The following TTC23L variants were observed in gnomAD, a reference collection of about 807,000 sequenced individuals.
TTC23L encodes the protein tetratricopeptide repeat protein 23-like.
A neutral mutation model predicts 48.1 loss-of-function variants in TTC23L; 42 were observed. The ratio of observed to expected loss-of-function variants is 0.87; its 90% confidence interval spans 0.68 to 1.13. The LOEUF (loss-of-function observed/expected upper bound fraction) is 1.13, where lower values mean the gene tolerates loss of function less well. Among genes scored for constraint, TTC23L ranks in the 50% most tolerant of loss-of-function variants. The pLI, the probability that TTC23L is intolerant of heterozygous loss-of-function variation, is 0.00. For synonymous variants in TTC23L, 159 were observed against 157.2 expected (o/e 1.01, Z -0.09); for missense variants, 391 against 421.0 (o/e 0.93, Z 0.62).
intron 4 of TTC23L, among the ~76,000 whole-genome samples, chr5:34,857,348 T>C (rs562454418): frequency 6.6e-6 from 1 of 152,334 alleles, no homozygotes; most frequent in African/African-American, 2.4e-5. Flanking sequence ...CTATTATTAC[T>C]GGGAATCTTC....
At chr5:34,840,863 A>C in intron 2 of TTC23L, 124 bp downstream of exon 2, 2 of 863,750 alleles carry the variant, frequency 2.3e-6, no homozygotes, top group Non-Finnish European at 1.9e-6. Context: ...CCTGACCAAC[A>C]TGGTGAAACC....
chr5:34,925,309 A>G, the TTC23L span: 41 of 1,613,814 alleles, frequency 2.5e-5, no homozygotes, highest in Admixed American at 1.0e-4. Flanking sequence ...TGAGAAAGAA[A>G]GAGCCGAAGA....
chr5:34,846,133 C>T (rs1465458399), intron 3 of TTC23L, among the ~76,000 whole-genome samples: 2 of 151,990 alleles, frequency 1.3e-5, no homozygotes, highest in Non-Finnish European at 2.9e-5. Flanking sequence ...ACAGGGAGCC[C>T]GTGATTGTGC....
At chr5:34,892,602 A>G (rs1045673212) in intron 9 of TTC23L, among the ~76,000 whole-genome samples, 1 of 152,208 alleles carries the variant, frequency 6.6e-6, no homozygotes, top group South Asian at 2.1e-4. Context: ...ATGTAAAGGA[A>G]AAGGGCAAGT....
At chr5:34,911,574 A>C in the TTC23L span, 1 of 1,614,186 alleles carries the variant, frequency 6.2e-7, no homozygotes, top group Non-Finnish European at 8.5e-7. Flanking sequence ...GCTTGTCAGG[A>C]GACATGGTAA....
Position 34,863,724 on chromosome 5 carries a change from C to T in TTC23L, c.536+670C>T, listed in dbSNP as rs372374133. On this transcript the variant is annotated intron_variant, in intron 5 of 10. Transcript: ENST00000505624. The surrounding 1 kb of genome is among the most constrained non-coding windows in gnomAD (Gnocchi z 4.1). Reference sequence around the variant, plus strand: ...CCCAGAGGGGTACTGTTATATGTGCCTTTCCTCAGAACTGGGGATTCTGAC... The same window carrying T: ...CCCAGAGGGGTACTGTTATATGTGCTTTTCCTCAGAACTGGGGATTCTGAC... Among the ~76,000 whole-genome samples the T allele has an allele frequency of 3.3e-5, 5 of 152,262 alleles. No homozygotes were observed. The highest frequency in any genetic ancestry group is 1.2e-4 in the African/African-American group (5 of 41,550).
intron 9 of TTC23L, among the ~76,000 whole-genome samples, chr5:34,885,082 AC>A (rs11335319): frequency 0.31 from 46,523 of 152,062 alleles, 8,988 homozygotes; most frequent in Non-Finnish European, 0.43. Context: ...GAGTACAAGC[AC>A]CTTTGTCCTA....
chr5:34,864,294 C>T lies in TTC23L; in HGVS notation c.537-143C>T. The T allele has an allele frequency of 3.8e-6, 4 of 1,039,118 alleles. No individual in the cohort carries two copies. The South Asian group carries it at 8.1e-5, about 21-fold the overall frequency. 64.4% of individuals were successfully genotyped at this position (1,039,118 alleles called of 1,614,324 possible). ...ATTCTTGCTTCTTGACAACATAATA[C>T]ATGGAAAATAAAGAACATAGTTAAG... is the stretch of plus-strand genomic sequence containing the variant. On this transcript the variant is annotated intron_variant, in intron 5 of 10. Coordinates refer to ENST00000505624, the Ensembl canonical transcript of TTC23L.
chr5:34,922,703 C>T, the TTC23L span: 1 of 1,613,534 alleles, frequency 6.2e-7, no homozygotes, highest in Non-Finnish European at 8.5e-7. Context: ...AGTTCATACC[C>T]TCGCTGAACT....
At chr5:34,886,362 T>TCAA (rs1580480973) in intron 9 of TTC23L, among the ~76,000 whole-genome samples, 1 of 41,870 alleles carries the variant, frequency 2.4e-5, no homozygotes, top group South Asian at 1.1e-3. Context: ...CCAGGCTGAT[T>TCAA]TAAAAAAAAA....
intron 9 of TTC23L, among the ~76,000 whole-genome samples, chr5:34,884,810 A>G (rs1762449573): frequency 6.6e-6 from 1 of 152,230 alleles, no homozygotes; most frequent in Non-Finnish European, 1.5e-5. Flanking sequence ...AAATGCAAAA[A>G]TATTACAGTA....
chr5:34,865,355 A>T (rs1013359811), intron 6 of TTC23L, among the ~76,000 whole-genome samples: 3 of 152,206 alleles, frequency 2.0e-5, no homozygotes, highest in African/African-American at 7.2e-5. Context: ...CCATGAATCT[A>T]GAAGTCAGAT....
At chr5:34,842,593 G>A (rs369323874) in intron 2 of TTC23L, among the ~76,000 whole-genome samples, 3 of 152,102 alleles carry the variant, frequency 2.0e-5, no homozygotes, top group Non-Finnish European at 2.9e-5. Context: ...GGTGAGAAGG[G>A]GGGTGGAAGA....
At position 34,880,319 on chromosome 5, in the gene TTC23L, T is replaced by C. The variant is rs746632221; in HGVS notation, c.1077+11T>C. On this transcript the variant is annotated intron_variant, in intron 9 of 10. Transcript: ENST00000505624. ...AATGGAGAAAAACAGGTAAATATGA[T>C]CAATGCATAAACAGAATTGCTAGTT... is the stretch of plus-strand genomic sequence containing the variant. The C allele has an allele frequency of 3.1e-6, 5 of 1,603,596 alleles. No individual in the cohort carries two copies. The highest frequency in any genetic ancestry group is 2.5e-6 in the Non-Finnish European group (3 of 1,176,630).
At chr5:34,875,452 A>T (rs1761768822) in intron 8 of TTC23L, among the ~76,000 whole-genome samples, 2 of 152,152 alleles carry the variant, frequency 1.3e-5, no homozygotes, top group African/African-American at 4.8e-5. Context: ...GGGGGTAGGA[A>T]GCATCCAGCA....
chr5:34,890,806 T>C (rs1229099236), intron 9 of TTC23L, among the ~76,000 whole-genome samples: 1 of 152,124 alleles, frequency 6.6e-6, no homozygotes, highest in Non-Finnish European at 1.5e-5. Context: ...GAGGTCTTTC[T>C]GTGTTGCCCG....
intron 9 of TTC23L, among the ~76,000 whole-genome samples, chr5:34,890,092 C>T (rs1762774941): frequency 6.6e-6 from 1 of 151,992 alleles, no homozygotes; most frequent in Admixed American, 6.5e-5. Context: ...CCGCCTCAGC[C>T]TCCCTAGGTG....
chr5:34,918,073 A>G, the TTC23L span: 1 of 202,372 alleles, frequency 4.9e-6, no homozygotes, highest in East Asian at 1.1e-4. Context: ...GCGCTTTGGG[A>G]GGCCAAGCCA....
At chr5:34,896,715 A>G (rs1763246725) in intron 9 of TTC23L, 55 bp from the exon 10 acceptor site, 2 of 758,282 alleles carry the variant, frequency 2.6e-6, no homozygotes, top group East Asian at 2.5e-5. Context: ...GAGACAATCT[A>G]TGAGAATTGG....
Sources: allele counts gnomAD v4.1 joint callset (sites outside exome capture counted in the v4.1 genomes callset), GRCh38; gene constraint gnomAD v4.1.1; non-coding constraint Gnocchi (gnomAD v3.1); transcripts MANE v1.5; gene names NCBI Gene and HGNC (gene_info 2026-07-23, HGNC 2026-07-21).